The following AUTS2 variants were observed in gnomAD, a reference collection of about 807,000 sequenced individuals.
AUTS2 encodes autism susceptibility gene 2 protein.
Under a neutral mutation model 112.4 loss-of-function variants are expected in AUTS2, and 17 were observed. The observed-to-expected ratio is 0.15, with a 90% CI of 0.10 to 0.23. The LOEUF is 0.23. Among genes scored for constraint, AUTS2 ranks in the 10% least tolerant of loss-of-function variants. The pLI is 1.00. For missense variants in AUTS2, 1,510 were observed against 1,701.6 expected (o/e 0.89, Z 1.98); for synonymous variants, 751 against 702.7 (o/e 1.07, Z -1.09).
At chr7:70,266,124 A>G (rs1787410714) in intron 4 of AUTS2, among the ~76,000 whole-genome samples, 1 of 152,230 alleles carries the variant, frequency 6.6e-6, no homozygotes. Flanking sequence ...TAATAGCTAA[A>G]AAGTGAAAAC....
chr7:70,208,325 G>A lies in AUTS2; in HGVS notation c.660+73754G>A, dbSNP rs542907014. 1.7e-3 allele frequency among the ~76,000 whole-genome samples: 263 copies of A among 152,246 alleles called. 1 individual carries two copies. Among genetic ancestry groups the A allele is most frequent in the African/African-American group, 6.0e-3 (250 of 41,542 alleles). On this transcript the variant is annotated intron_variant, in intron 4 of 18. Transcript: ENST00000342771. Reference sequence around the variant, plus strand: ...AAGGAGCAAGTTAGGAAATGCCTTTGATGACCCCATGACATCACTATGTTA... The same window carrying A: ...AAGGAGCAAGTTAGGAAATGCCTTTAATGACCCCATGACATCACTATGTTA...
chr7:70,083,338 T>G (rs1803417352), intron 2 of AUTS2, among the ~76,000 whole-genome samples: 1 of 152,166 alleles, frequency 6.6e-6, no homozygotes, highest in Admixed American at 6.6e-5. Context: ...AGTGTGTATT[T>G]TGCAGGGATA....
At chr7:70,633,594 G>A (rs1368809367) in intron 5 of AUTS2, among the ~76,000 whole-genome samples, 1 of 82,796 alleles carries the variant, frequency 1.2e-5, no homozygotes, top group Non-Finnish European at 2.2e-5. Flanking sequence ...CTGGGCCACA[G>A]AGCAAGACTC....
At chr7:69,667,645 T>A (rs2533432) in intron 1 of AUTS2, among the ~76,000 whole-genome samples, 1 of 152,006 alleles carries the variant, frequency 6.6e-6, no homozygotes, top group Admixed American at 6.5e-5. Context: ...TGTGAGCCAC[T>A]GCACCCAGCC....
intron 4 of AUTS2, among the ~76,000 whole-genome samples, chr7:70,432,054 T>C (rs1048178425): frequency 1.3e-5 from 2 of 152,226 alleles, no homozygotes; most frequent in Admixed American, 6.5e-5. Context: ...TTTTCATTTC[T>C]TGCTTTTAAA....
chr7:69,720,417 C>G (rs73438124), intron 1 of AUTS2, among the ~76,000 whole-genome samples: 4,842 of 152,238 alleles, frequency 0.032, 116 homozygotes, highest in African/African-American at 0.065. Flanking sequence ...AGGTGTACTT[C>G]ACCTGACCTA....
chr7:70,203,111 G>A (rs1179404439), intron 4 of AUTS2, among the ~76,000 whole-genome samples: 1 of 142,540 alleles, frequency 7.0e-6, no homozygotes, highest in African/African-American at 2.7e-5. Context: ...ACCAAACACC[G>A]CATATTCTCA....
chr7:69,922,064 C>CA (rs778169166), intron 2 of AUTS2, among the ~76,000 whole-genome samples: 1 of 151,298 alleles, frequency 6.6e-6, no homozygotes, highest in South Asian at 2.1e-4. Context: ...AACTCTGTCT[C>CA]AAAAAAAGAA....
At chr7:70,336,767 G>A (rs1218283959) in intron 4 of AUTS2, among the ~76,000 whole-genome samples, 1 of 152,034 alleles carries the variant, frequency 6.6e-6, no homozygotes, top group East Asian at 1.9e-4. Flanking sequence ...GTTTCAGGCT[G>A]TAACTCTTAG....
At chr7:70,715,161 A>G (rs981171729) in intron 6 of AUTS2, among the ~76,000 whole-genome samples, 1 of 152,198 alleles carries the variant, frequency 6.6e-6, no homozygotes, top group African/African-American at 2.4e-5. Flanking sequence ...CTCTCCTTCT[A>G]ATTGCATGTT....
chr7:70,471,117 C>T (rs950297853), intron 5 of AUTS2, among the ~76,000 whole-genome samples: 7 of 152,162 alleles, frequency 4.6e-5, no homozygotes, highest in Non-Finnish European at 7.3e-5. Context: ...TTTCACCGCA[C>T]AAAGGCTGTT....
intron 1 of AUTS2, among the ~76,000 whole-genome samples, chr7:69,850,795 C>A (rs1792443840): frequency 6.6e-6 from 1 of 152,242 alleles, no homozygotes; most frequent in Admixed American, 6.5e-5. Flanking sequence ...CAGTCTGGAG[C>A]TTGGCTTTTC....
At chr7:70,249,885 G>A (rs1786499878) in intron 4 of AUTS2, among the ~76,000 whole-genome samples, 1 of 124,804 alleles carries the variant, frequency 8.0e-6, no homozygotes, top group South Asian at 2.5e-4. Flanking sequence ...AATATTTTAA[G>A]TAAAATATTA....
chr7:69,948,095 C>G (rs1239144984), intron 2 of AUTS2, among the ~76,000 whole-genome samples: 1 of 152,154 alleles, frequency 6.6e-6, no homozygotes, highest in Admixed American at 6.5e-5. Flanking sequence ...AATGAAATAG[C>G]CATAGACTGT....
At chr7:69,921,574 C>T (rs913239334) in intron 2 of AUTS2, among the ~76,000 whole-genome samples, 5 of 151,250 alleles carry the variant, frequency 3.3e-5, no homozygotes, top group Non-Finnish European at 7.4e-5. Context: ...TTGAGACCAG[C>T]CTGGCCAACA....
chr7:70,566,501 A>C (rs1224060069), intron 5 of AUTS2, among the ~76,000 whole-genome samples: 3 of 152,216 alleles, frequency 2.0e-5, no homozygotes, highest in Non-Finnish European at 2.9e-5. Context: ...CGGCCTTAGG[A>C]AAATGTTTCT....
At chr7:70,578,806 T>C (rs562213041) in intron 5 of AUTS2, among the ~76,000 whole-genome samples, 10 of 152,326 alleles carry the variant, frequency 6.6e-5, no homozygotes, top group African/African-American at 2.2e-4. Flanking sequence ...GCAAATTCAT[T>C]TTCCCTGGGT....
intron 2 of AUTS2, among the ~76,000 whole-genome samples, chr7:70,067,281 G>T (rs573066244): frequency 1.3e-5 from 2 of 152,118 alleles, no homozygotes; most frequent in African/African-American, 2.4e-5. Flanking sequence ...TTGGAATGAT[G>T]ATAGAAATTA....
At chr7:70,243,521 C>A (rs914129900) in intron 4 of AUTS2, among the ~76,000 whole-genome samples, 6 of 151,966 alleles carry the variant, frequency 3.9e-5, no homozygotes, top group Non-Finnish European at 5.9e-5. Flanking sequence ...AGACTCCCTC[C>A]TAGAACTCTT....
Sources: allele counts gnomAD v4.1 joint callset (sites outside exome capture counted in the v4.1 genomes callset), GRCh38; gene constraint gnomAD v4.1.1; transcripts MANE v1.5; gene names NCBI Gene and HGNC (gene_info 2026-07-23, HGNC 2026-07-21).